SESTD1: variants seen among roughly 807,000 people sequenced by gnomAD.
The protein encoded by SESTD1 is SEC14 domain and spectrin repeat-containing protein 1.
A neutral mutation model predicts 101.7 loss-of-function variants in SESTD1; 43 were observed. The observed-to-expected ratio is 0.42, with a 90% CI of 0.33 to 0.55. The LOEUF is 0.55. Ranked by LOEUF, SESTD1 falls within the 20% of genes least tolerant of loss-of-function variation. The probability of loss-of-function intolerance (pLI) is 0.07; values close to 1 mark genes in which losing one functional copy is unlikely to be tolerated. For synonymous variants in SESTD1, 283 were observed against 286.8 expected (o/e 0.99, Z 0.13); for missense variants, 647 against 815.1 (o/e 0.79, Z 2.51).
At chr2:179,159,741 T>G (rs181852139) in intron 5 of SESTD1, among the ~76,000 whole-genome samples, 14 of 152,110 alleles carry the variant, frequency 9.2e-5, no homozygotes, top group African/African-American at 3.4e-4. Flanking sequence ...TTTCCATAGA[T>G]AGCAAACCTA....
At chr2:179,195,686 T>C (rs1175280682) in intron 1 of SESTD1, among the ~76,000 whole-genome samples, 1 of 152,086 alleles carries the variant, frequency 6.6e-6, no homozygotes, top group Non-Finnish European at 1.5e-5. Context: ...ACACAGCAAA[T>C]GAAACGGAAA....
chr2:179,132,360 T>A lies in SESTD1; in HGVS notation c.916A>T (p.Ile306Phe). Residue 306 changes from isoleucine to phenylalanine, a missense_variant, in exon 10 of 18, where the codon ATT becomes TTT. This residue lies in a region of SESTD1 where 476 missense variants were observed against 562.6 expected (regional missense o/e 0.85). Coordinates refer to ENST00000428443, the MANE Select transcript of SESTD1 (RefSeq NM_178123.5). Reference protein sequence around the residue: ...LRAQWGIGDSIRASQALQQKH... With the variant: ...LRAQWGIGDSFRASQALQQKH... ...TGCTGTAGGGCCTGGGAGGCCCTAATGGAGTCTCCAATGCCCCACTGGGCT... is the reference window on the plus strand; with the variant it reads ...TGCTGTAGGGCCTGGGAGGCCCTAAAGGAGTCTCCAATGCCCCACTGGGCT... 6.4e-7 allele frequency: 1 copy of A among 1,573,214 alleles called. No homozygotes were observed. Among genetic ancestry groups the A allele is most frequent in the Non-Finnish European group, 8.6e-7 (1 of 1,167,692 alleles).
chr2:179,164,954 T>C (rs2045809099), intron 5 of SESTD1, among the ~76,000 whole-genome samples: 1 of 152,198 alleles, frequency 6.6e-6, no homozygotes, highest in Admixed American at 6.5e-5. Context: ...TTTTAAATAT[T>C]TACAAACACA....
At chr2:179,146,916 TG>T (rs2045408730) in intron 7 of SESTD1, among the ~76,000 whole-genome samples, 2 of 151,282 alleles carry the variant, frequency 1.3e-5, no homozygotes, top group African/African-American at 4.9e-5. Flanking sequence ...TGTGTGTGTG[TG>T]TGTGTGTGTG....
chr2:179,132,413 A>G lies in SESTD1; in HGVS notation c.863T>C (p.Leu288Pro). ...QQKVMQVVNW[L>P]EGPGSEQLRA... ...TAGTTGTTCTGATCCAGGCCCTTCT[A>G]GCCAGTTCACCACCTATAAACAAAA... Residue 288 changes from leucine to proline, a missense_variant, in exon 10 of 18, where the codon CTA (leucine) becomes CCA (proline). This residue lies in a region of SESTD1 where 476 missense variants were observed against 562.6 expected (regional missense o/e 0.85). Transcript: ENST00000428443. The G allele has an allele frequency of 6.4e-7, 1 of 1,559,250 alleles. No homozygotes were observed. Among genetic ancestry groups the G allele is most frequent in the Non-Finnish European group, 8.6e-7 (1 of 1,162,184 alleles).
At chr2:179,231,834 A>G (rs10174774) in intron 1 of SESTD1, among the ~76,000 whole-genome samples, 68,793 of 151,748 alleles carry the variant, frequency 0.45, 18,697 homozygotes, top group African/African-American at 0.77. Context: ...GAAGACTCAA[A>G]TCAAAAAGCC....
chr2:179,191,453 G>A (rs1216167297), intron 2 of SESTD1, among the ~76,000 whole-genome samples: 1 of 152,032 alleles, frequency 6.6e-6, no homozygotes, highest in Non-Finnish European at 1.5e-5. Context: ...AGGGGAAAAG[G>A]GCTGAAAAAC....
rs1023475989 is a variant in SESTD1 at position 179,103,764 on chromosome 2, G to T, written c.*6135C>A. On this transcript the variant is annotated 3_prime_UTR_variant, in exon 18 of 18. Coordinates refer to ENST00000428443, the MANE Select transcript of SESTD1 (RefSeq NM_178123.5). ...GTAGGGACAGGAATTGACTGGAAAG[G>T]GCAGTGTGGAAACTTTCTAGGGTGG... 15 of 152,068 alleles carry T rather than the reference G, an allele frequency of 9.9e-5. No homozygotes were observed. The highest frequency in any genetic ancestry group is 3.6e-4 in the African/African-American group (15 of 41,402). 9.4% of individuals were successfully genotyped at this position (152,068 alleles called of 1,614,324 possible).
intron 1 of SESTD1, among the ~76,000 whole-genome samples, chr2:179,225,953 A>T (rs2046880037): frequency 6.6e-6 from 1 of 152,192 alleles, no homozygotes; most frequent in Admixed American, 6.5e-5. Context: ...TGGAGAAGGA[A>T]GAATATGCAT....
intron 7 of SESTD1, among the ~76,000 whole-genome samples, chr2:179,147,840 G>A (rs999640224): frequency 2.0e-5 from 3 of 152,084 alleles, no homozygotes; most frequent in Non-Finnish European, 4.4e-5. Flanking sequence ...CTTTCCCAAG[G>A]AATATAACTA....
chr2:179,121,149 GAT>G, intron 13 of SESTD1, among the ~76,000 whole-genome samples: 1 of 135,920 alleles, frequency 7.4e-6, no homozygotes, highest in South Asian at 2.5e-4. Context: ...AAGTTTTGTT[GAT>G]GATCATAAAA....
chr2:179,199,893 C>T (rs1030540537), intron 1 of SESTD1, among the ~76,000 whole-genome samples: 5 of 152,142 alleles, frequency 3.3e-5, no homozygotes, highest in African/African-American at 7.2e-5. Flanking sequence ...CTCACCACTC[C>T]TATTCAACAT....
rs1413681425 is a variant in SESTD1 at position 179,127,645 on chromosome 2, T to C, written c.973-3087A>G. Among the ~76,000 whole-genome samples, 4 of 152,352 alleles carry C rather than the reference T, an allele frequency of 2.6e-5. No individual in the cohort carries two copies. In the East Asian group the frequency reaches 7.7e-4, roughly 29 times the overall value. ...TGATGCTGCAAAATACCCTACCATG[T>C]GCAGGACAGCCCTTACGACAGACAT... On this transcript the variant is annotated intron_variant, in intron 10 of 17. Coordinates refer to ENST00000428443, the MANE Select transcript of SESTD1 (RefSeq NM_178123.5).
intron 1 of SESTD1, among the ~76,000 whole-genome samples, chr2:179,200,653 G>A (rs10211583): frequency 6.7e-6 from 1 of 149,734 alleles, no homozygotes; most frequent in Non-Finnish European, 1.5e-5. Flanking sequence ...ACAAACCTGA[G>A]AAAAACAAGA....
At chr2:179,209,003 T>C (rs1156836487) in intron 1 of SESTD1, among the ~76,000 whole-genome samples, 1 of 134,986 alleles carries the variant, frequency 7.4e-6, no homozygotes, top group Non-Finnish European at 1.6e-5. Flanking sequence ...AGGACTCACA[T>C]AAACTTAAGG....
chr2:179,220,403 C>T (rs1046010726), intron 1 of SESTD1, among the ~76,000 whole-genome samples: 1 of 152,206 alleles, frequency 6.6e-6, no homozygotes, highest in African/African-American at 2.4e-5. Flanking sequence ...GAAAAAGGAA[C>T]ATTGCACTAG....
At chr2:179,171,164 T>G (rs951608086) in intron 5 of SESTD1, among the ~76,000 whole-genome samples, 3 of 152,190 alleles carry the variant, frequency 2.0e-5, no homozygotes, top group Non-Finnish European at 1.5e-5. Flanking sequence ...TTATATGTTT[T>G]GTCAGAACTC....
chr2:179,157,889 C>G (rs1350823673), intron 5 of SESTD1, among the ~76,000 whole-genome samples: 1 of 152,058 alleles, frequency 6.6e-6, no homozygotes, highest in Non-Finnish European at 1.5e-5. Context: ...TTGTGTAATG[C>G]ACAAGATGTA....
chr2:179,234,062 G>A (rs750281375), intron 1 of SESTD1, among the ~76,000 whole-genome samples: 10 of 152,288 alleles, frequency 6.6e-5, no homozygotes, highest in African/African-American at 2.4e-4. Flanking sequence ...TTTGCCCTCC[G>A]TAATGCAGGT....
Sources: gnomAD v4.1 joint callset for allele counts (sites outside exome capture counted in the v4.1 genomes callset) on GRCh38, gnomAD v4.1.1 for gene constraint, gnomAD v4.1.1 regional missense constraint, MANE v1.5 for transcripts, NCBI Gene and HGNC (gene_info 2026-07-23, HGNC 2026-07-21) for gene names.